The following ANO4 variants were observed in gnomAD, a reference collection of about 807,000 sequenced individuals.
ANO4 encodes the protein anoctamin-4.
ANO4 carries 69 observed loss-of-function variants against 141.9 expected under a neutral mutation model. That is an observed-to-expected ratio of 0.49 (90% CI 0.40 to 0.59). The LOEUF (loss-of-function observed/expected upper bound fraction) is 0.59. Among genes scored for constraint, ANO4 ranks in the 20% least tolerant of loss-of-function variants. The pLI is 0.00. For missense variants in ANO4, 894 were observed against 1,162.2 expected (o/e 0.77, Z 3.36); for synonymous variants, 350 against 394.3 (o/e 0.89, Z 1.33).
intron 1 of ANO4, among the ~76,000 whole-genome samples, chr12:100,891,293 G>T (rs1053192615): frequency 6.6e-6 from 1 of 152,182 alleles, no homozygotes; most frequent in African/African-American, 2.4e-5. Flanking sequence ...TCATGCGCAG[G>T]TTTCTGTGGG....
At chr12:101,106,804 A>G (rs748687942) in intron 22 of ANO4, among the ~76,000 whole-genome samples, 1 of 151,726 alleles carries the variant, frequency 6.6e-6, no homozygotes, top group Non-Finnish European at 1.5e-5. Flanking sequence ...TTGTTATATC[A>G]TTCTTTATGC....
At chr12:100,879,343 A>C (rs866923) in intron 1 of ANO4, among the ~76,000 whole-genome samples, 1 of 151,974 alleles carries the variant, frequency 6.6e-6, no homozygotes, top group Non-Finnish European at 1.5e-5. Context: ...TGTGGAGGTT[A>C]GATTCAACTT....
At chr12:100,922,202 C>T in intron 2 of ANO4, 24 bp from the exon 3 acceptor site, 4 of 1,506,928 alleles carry the variant, frequency 2.7e-6, no homozygotes, top group African/African-American at 2.8e-5. Flanking sequence ...GTGCAAACTC[C>T]ATGAATATCT....
At chr12:100,848,945 T>C (rs956710711) in intron 1 of ANO4, among the ~76,000 whole-genome samples, 1 of 152,228 alleles carries the variant, frequency 6.6e-6, no homozygotes, top group Non-Finnish European at 1.5e-5. Context: ...TAGATAGTTA[T>C]GAATGGAATA....
At chr12:100,723,621 A>G (rs903693050) in intron 1 of ANO4, among the ~76,000 whole-genome samples, 5 of 152,186 alleles carry the variant, frequency 3.3e-5, no homozygotes, top group Admixed American at 1.3e-4. Context: ...AAATCAACAC[A>G]TTGATATTTC....
chr12:100,750,298 A>ATTTTTTTT (rs1174885460), intron 3 of ANO4, among the ~76,000 whole-genome samples: 4 of 135,370 alleles, frequency 3.0e-5, no homozygotes, highest in African/African-American at 2.8e-5. Flanking sequence ...CACCTGGCTA[A>ATTTTTTTT]TTTTTTTTTT....
intron 5 of ANO4, among the ~76,000 whole-genome samples, chr12:100,951,041 T>A (rs938436): frequency 5.3e-5 from 8 of 151,996 alleles, no homozygotes; most frequent in East Asian, 3.9e-4. Context: ...GTGTAATCAC[T>A]TTGAGGGAGG....
intron 3 of ANO4, among the ~76,000 whole-genome samples, chr12:100,782,248 C>G (rs2033732033): frequency 6.6e-6 from 1 of 152,156 alleles, no homozygotes; most frequent in Admixed American, 6.6e-5. Flanking sequence ...TTGTTTCTCC[C>G]TCTTACAATC....
rs376401479 is a variant in ANO4 at position 101,046,327 on chromosome 12, G to A, written c.1252-2014G>A. Reference sequence around the variant, plus strand: ...AGGACTTTGAGCATTCCCTGATATTGCTCCAGGAATACCAGCACCTGTGGT... The same window carrying A: ...AGGACTTTGAGCATTCCCTGATATTACTCCAGGAATACCAGCACCTGTGGT... On this transcript the variant is annotated intron_variant, in intron 13 of 27. Transcript: ENST00000392977. Among the ~76,000 whole-genome samples, 41 of 152,292 alleles carry A rather than the reference G, an allele frequency of 2.7e-4. No individual in the cohort carries two copies. The South Asian group carries it at 8.5e-3, about 32-fold the overall frequency.
At chr12:100,875,822 A>T (rs1445452420) in intron 1 of ANO4, among the ~76,000 whole-genome samples, 1 of 152,160 alleles carries the variant, frequency 6.6e-6, no homozygotes, top group Admixed American at 6.5e-5. Context: ...CATTTATTGA[A>T]ATCAGAGCAC....
intron 5 of ANO4, among the ~76,000 whole-genome samples, chr12:100,964,088 C>T (rs1021769692): frequency 6.6e-6 from 1 of 152,096 alleles, no homozygotes; most frequent in Admixed American, 6.6e-5. Flanking sequence ...GATGTTAAAG[C>T]CAACTGTATA....
rs140692358 is a variant in ANO4 at position 101,056,046 on chromosome 12, G to C, written c.1312+7645G>C. Among the ~76,000 whole-genome samples the C allele has an allele frequency of 6.1e-3, 931 of 152,142 alleles. 8 individuals carry two copies. Among genetic ancestry groups the C allele is most frequent in the African/African-American group, 0.021 (892 of 41,538 alleles). ...TGTGTACACATGGCAATAATCCACT[G>C]TCTTGATTATTATGGCATAATAACT... On this transcript the variant is annotated intron_variant, in intron 14 of 27. Transcript: ENST00000392977.
At chr12:100,823,928 A>G (rs1259567247) in intron 1 of ANO4, among the ~76,000 whole-genome samples, 2 of 152,040 alleles carry the variant, frequency 1.3e-5, no homozygotes, top group Non-Finnish European at 2.9e-5. Context: ...TAGCAAAGAT[A>G]ATTAGATTTT....
intron 17 of ANO4, among the ~76,000 whole-genome samples, chr12:101,091,276 G>C (rs563355576): frequency 6.6e-6 from 1 of 152,242 alleles, no homozygotes; most frequent in South Asian, 2.1e-4. Context: ...AAGAAAAAAT[G>C]TACATAAGAA....
chr12:101,093,211 G>T (rs1366803915), intron 17 of ANO4, among the ~76,000 whole-genome samples: 3 of 152,160 alleles, frequency 2.0e-5, no homozygotes, highest in African/African-American at 7.2e-5. Flanking sequence ...TGAAAGTTTG[G>T]AGTCATACAT....
intron 17 of ANO4, among the ~76,000 whole-genome samples, chr12:101,093,311 A>G (rs1040186073): frequency 2.6e-5 from 4 of 152,210 alleles, no homozygotes; most frequent in African/African-American, 9.6e-5. Flanking sequence ...AGTAAGTTCA[A>G]TACCCATCCT....
intron 5 of ANO4, among the ~76,000 whole-genome samples, chr12:100,965,452 G>A (rs1374249587): frequency 2.0e-5 from 3 of 152,064 alleles, no homozygotes; most frequent in African/African-American, 7.2e-5. Flanking sequence ...AAAACATGCA[G>A]CACGCACTTT....
chr12:100,777,625 G>A (rs1003473970), intron 3 of ANO4, among the ~76,000 whole-genome samples: 1 of 151,942 alleles, frequency 6.6e-6, no homozygotes, highest in Non-Finnish European at 1.5e-5. Flanking sequence ...AAAGGAAAAA[G>A]TTGTATATAA....
At chr12:100,895,148 G>GTTT (rs35816641) in intron 1 of ANO4, among the ~76,000 whole-genome samples, 1 of 147,820 alleles carries the variant, frequency 6.8e-6, no homozygotes, top group African/African-American at 2.5e-5. Flanking sequence ...CCTTCTACAG[G>GTTT]TTTTTTTTTT....
Sources: gnomAD v4.1 joint callset for allele counts (sites outside exome capture counted in the v4.1 genomes callset) on GRCh38, gnomAD v4.1.1 for gene constraint, MANE v1.5 for transcripts, NCBI Gene and HGNC (gene_info 2026-07-23, HGNC 2026-07-21) for gene names.